METTL22: variants seen among roughly 807,000 people sequenced by gnomAD.
METTL22 encodes the protein methyltransferase 22, Kin17 lysine.
Under a neutral mutation model 48.4 loss-of-function variants are expected in METTL22, and 51 were observed. That is an observed-to-expected ratio of 1.05 (90% CI 0.84 to 1.33). METTL22 has a LOEUF of 1.33. METTL22 is among the 40% of genes most tolerant of loss of function. The pLI is 0.00. For synonymous variants in METTL22, 255 were observed against 214.1 expected (o/e 1.19, Z -1.67); for missense variants, 678 against 526.9 (o/e 1.29, Z -2.81).
At chr16:8,643,130 C>T (rs540946326) in intron 9 of METTL22, among the ~76,000 whole-genome samples, 14 of 152,328 alleles carry the variant, frequency 9.2e-5, no homozygotes, top group African/African-American at 3.1e-4. Context: ...TTCTGAAGAT[C>T]GTTCGGAATC....
In METTL22 at chr16:8,646,131, A is replaced by G; in HGVS notation, c.1203A>G (p.Glu401=). The G allele has an allele frequency of 6.7e-7, 1 of 1,487,492 alleles. No individual in the cohort carries two copies. Among genetic ancestry groups the G allele is most frequent in the Non-Finnish European group, 8.9e-7 (1 of 1,124,916 alleles). The allele number at this position is 1,487,492 out of a possible 1,614,324, so 92.1% of individuals were successfully genotyped here. ...QQLELWKIIA[E]PVT is the part of the protein sequence containing the mutation. Reference sequence around the variant, plus strand: ...AGGAGCTCTGGAAGATCATCGCAGAACCAGTAACATGACCCATCGCCTCCA... The same window carrying G: ...AGGAGCTCTGGAAGATCATCGCAGAGCCAGTAACATGACCCATCGCCTCCA... The change falls in exon 11 of 11, where the codon GAA becomes GAG. Residue 401 remains glutamate, a synonymous_variant. Transcript: ENST00000381920.
intron 10 of METTL22, chr16:8,645,851 G>C: frequency 8.4e-7 from 1 of 1,185,794 alleles, no homozygotes; most frequent in Non-Finnish European, 1.1e-6. Context: ...GGTCTCTTCT[G>C]ATTGTTTGAC....
intron 5 of METTL22, 111 bp downstream of exon 5, chr16:8,635,423 G>C: frequency 7.5e-7 from 1 of 1,338,510 alleles, no homozygotes; most frequent in East Asian, 2.5e-5. Context: ...AGCTGTTGTT[G>C]ATTTTGCCAT....
At chr16:8,633,652 C>G (rs936931423) in intron 3 of METTL22, among the ~76,000 whole-genome samples, 1 of 152,216 alleles carries the variant, frequency 6.6e-6, no homozygotes, top group Non-Finnish European at 1.5e-5. Flanking sequence ...CTTGGAACCC[C>G]GCATCTGCCA....
chr16:8,636,727 C>T (rs1037478432), intron 5 of METTL22, among the ~76,000 whole-genome samples: 1 of 151,812 alleles, frequency 6.6e-6, no homozygotes, highest in Admixed American at 6.6e-5. Flanking sequence ...ACCTAGGTTC[C>T]TAGGAGTGGG....
intron 7 of METTL22, 129 bp from the exon 8 acceptor site, chr16:8,641,998 G>C (rs2056632727): frequency 5.6e-6 from 4 of 715,920 alleles, no homozygotes; most frequent in Non-Finnish European, 1.0e-5. Flanking sequence ...TCTGCCTGGT[G>C]GTGCCCACTG....
rs2056799777 is a variant in METTL22, at chr16:8,646,340, G to C, written c.*197G>C. On this transcript the variant is annotated 3_prime_UTR_variant, in exon 11 of 11. Coordinates refer to ENST00000381920, the MANE Select transcript of METTL22 (RefSeq NM_024109.4). ...GTAGCCAGAGAAGGTTGTTGCTGTG[G>C]GCTGGAGGTCACTTTAGTTGCCTGT... The C allele has an allele frequency of 1.3e-6, 1 of 750,766 alleles. No homozygotes were observed. Among genetic ancestry groups the C allele is most frequent in the African/African-American group, 1.7e-5 (1 of 58,086 alleles). The allele number at this position is 750,766 out of a possible 1,614,324, so 46.5% of individuals were successfully genotyped here. A position where few individuals can be genotyped will look rare whatever the true frequency, so the allele number is the denominator to read the frequency against.
At chr16:8,643,673 G>T (rs1023409439) in intron 9 of METTL22, among the ~76,000 whole-genome samples, 2 of 152,150 alleles carry the variant, frequency 1.3e-5, no homozygotes, top group Admixed American at 6.5e-5. Flanking sequence ...GAGTGTGATG[G>T]TGCGATCTCG....
intron 1 of METTL22, among the ~76,000 whole-genome samples, chr16:8,624,373 T>C (rs2055967112): frequency 6.6e-6 from 1 of 152,000 alleles, no homozygotes; most frequent in South Asian, 2.1e-4. Context: ...CTTTTTTTTT[T>C]TTTTTTAATT....
chr16:8,657,824 C>CTTTTTTTTTTTTTTTTTTTTTT, the METTL22 span, among the ~76,000 whole-genome samples: 1 of 137,434 alleles, frequency 7.3e-6, no homozygotes, highest in African/African-American at 2.9e-5. Context: ...TCTTTTCTTT[C>CTTTTTTTTTTTTTTTTTTTTTT]TTTTTTTTTT....
downstream of METTL22, among the ~76,000 whole-genome samples, chr16:8,651,339 A>G (rs1223765096): frequency 1.6e-5 from 2 of 126,260 alleles, no homozygotes; most frequent in Non-Finnish European, 3.2e-5. Flanking sequence ...GTGAGCTGAG[A>G]TCGAGCCACT....
At chr16:8,642,788 G>A (rs1286497996) in intron 9 of METTL22, 14 of 597,948 alleles carry the variant, frequency 2.3e-5, no homozygotes, top group Non-Finnish European at 4.2e-5. Flanking sequence ...CTGATGAAGA[G>A]AGGAAGGCTG....
chr16:8,625,800 T>G lies in METTL22; in HGVS notation c.133+2T>G. ...GGCTGAACAGCGTGGGGCAGCCAGG[T>G]AAGGTCCTGGGCCCAGGTGCCCTGC... On this transcript the variant is annotated splice_donor_variant, in intron 2 of 10. Transcript: ENST00000381920. LOFTEE classifies it high-confidence loss of function. The G allele has an allele frequency of 3.1e-6, 5 of 1,614,086 alleles. No homozygotes were observed. Among genetic ancestry groups the G allele is most frequent in the Non-Finnish European group, 4.2e-6 (5 of 1,179,978 alleles).
chr16:8,622,049 G>T (rs2055869585), intron 1 of METTL22, among the ~76,000 whole-genome samples: 1 of 152,182 alleles, frequency 6.6e-6, no homozygotes, highest in South Asian at 2.1e-4. Context: ...TTTTGAGAGG[G>T]CAATAGTTAA....
chr16:8,644,661 TCGTGGTGGAGCC>T lies in METTL22; in HGVS notation c.1121_1132del (p.Val374_Val377del). On this transcript the variant is annotated inframe_deletion, in exon 10 of 11. Coordinates refer to ENST00000381920, the MANE Select transcript of METTL22 (RefSeq NM_024109.4). ...CAGCTCGCAGATGGCAAGCTGCGCT[TCGTGGTGGAGCC>T]CGTGGAGGCCTCCTTCCCACAGCTC... 2 of 1,606,996 alleles carry T rather than the reference TCGTGGTGGAGCC, an allele frequency of 1.2e-6. No individual in the cohort carries two copies. Among genetic ancestry groups the T allele is most frequent in the Non-Finnish European group, 1.7e-6 (2 of 1,176,962 alleles).
chr16:8,661,793 G>T, the METTL22 span, among the ~76,000 whole-genome samples: 2 of 143,260 alleles, frequency 1.4e-5, no homozygotes, highest in East Asian at 4.0e-4. Flanking sequence ...GGATGATTTC[G>T]AACTCCCGGC....
In METTL22 at chr16:8,635,158, T is replaced by C. The variant is rs745587209; in HGVS notation, c.556-10T>C. The stretch of plus-strand genomic sequence containing the variant: ...ACGCTGCTTGTCGCTCCTTGTCCTC[T>C]TCCCTCCAGGTGTGGCGGGGCGCCC... On this transcript the variant is annotated splice_polypyrimidine_tract_variant and intron_variant, in intron 4 of 10. Coordinates refer to ENST00000381920, the MANE Select transcript of METTL22 (RefSeq NM_024109.4). The C allele has an allele frequency of 2.5e-6, 4 of 1,613,358 alleles. No individual in the cohort carries two copies. Among genetic ancestry groups the C allele is most frequent in the Non-Finnish European group, 1.7e-6 (2 of 1,179,692 alleles).
chr16:8,664,806 TG>T, the METTL22 span, among the ~76,000 whole-genome samples: 1 of 152,088 alleles, frequency 6.6e-6, no homozygotes, highest in African/African-American at 2.4e-5. Flanking sequence ...GATCCATGTG[TG>T]TTCATGTGAC....
chr16:8,641,267 A>C, intron 7 of METTL22, 83 bp downstream of exon 7: 1 of 1,360,590 alleles, frequency 7.3e-7, no homozygotes, highest in South Asian at 1.2e-5. Context: ...TGTGGTTTTG[A>C]CAGAGCTGTA....
Sources: allele counts gnomAD v4.1 joint callset (sites outside exome capture counted in the v4.1 genomes callset), GRCh38; gene constraint gnomAD v4.1.1; transcripts MANE v1.5; gene names NCBI Gene and HGNC (gene_info 2026-07-23, HGNC 2026-07-21).